The following PRH1 variants were observed in gnomAD, a reference collection of about 807,000 sequenced individuals.
PRH1 encodes proline rich protein HaeIII subfamily 1, also known as salivary acidic proline-rich phosphoprotein 1/2.
In PRH1, 7 loss-of-function variants were observed where a neutral mutation model predicts 7.9. The ratio of observed to expected loss-of-function variants is 0.89; its 90% confidence interval spans 0.50 to 1.67. The LOEUF (loss-of-function observed/expected upper bound fraction) is 1.67. Among genes scored for constraint, PRH1 ranks in the 40% most tolerant of loss-of-function variants. PRH1 has a pLI of 0.00. For missense variants in PRH1, 109 were observed against 223.6 expected (o/e 0.49, Z 3.27); for synonymous variants, 45 against 80.8 (o/e 0.56, Z 2.38).
intron 1 of PRH1, among the ~76,000 whole-genome samples, chr12:11,107,154 C>G (rs1019582239): frequency 5.9e-5 from 9 of 152,132 alleles, no homozygotes; most frequent in African/African-American, 2.2e-4. Context: ...GCATGCATCA[C>G]AACACCCAGC....
rs137971763 is a variant in PRH1, at chr12:10,882,272, C to A, written c.527G>T (p.Arg176Leu). 2 of 1,612,888 alleles carry A rather than the reference C, an allele frequency of 1.2e-6. No homozygotes were observed. Among genetic ancestry groups the A allele is most frequent in the Admixed American group, 1.7e-5 (1 of 59,896 alleles). ...CTGCCCCTGTGGAGGTCCTTGTGGG[C>A]GGCCCCCTTGGGGAGGTGGTCCCTG... is the stretch of plus-strand genomic sequence containing the variant. Reference protein sequence around the residue: ...KPQGPPPQGGRPQGPPQGQSP... With the variant: ...KPQGPPPQGGLPQGPPQGQSP... Residue 176 changes from arginine (R) to leucine (L), a missense_variant, in exon 3 of 4, where the codon CGC (arginine) becomes CTC (leucine). Arg to Leu is a moderately radical substitution (Grantham distance 102). This residue lies in a region of PRH1 where 45 missense variants were observed against 88.8 expected (regional missense o/e 0.51). Coordinates refer to ENST00000543626, the MANE Select transcript of PRH1 (RefSeq NM_001393989.1).
intron 1 of PRH1, among the ~76,000 whole-genome samples, chr12:11,150,208 T>G (rs1322372456): frequency 2.0e-5 from 3 of 151,144 alleles, no homozygotes; most frequent in African/African-American, 7.3e-5. Flanking sequence ...AGGAACACTT[T>G]TACACTGTTG....
At chr12:10,888,294 A>G (rs1949523284), upstream of PRH1, among the ~76,000 whole-genome samples, 2 of 152,182 alleles carry the variant, frequency 1.3e-5, no homozygotes, top group Admixed American at 1.3e-4. Context: ...ATGTAAGTTA[A>G]TATATTCACT....
chr12:11,133,686 G>A, intron 1 of PRH1: 2 of 1,614,206 alleles, frequency 1.2e-6, no homozygotes, highest in Non-Finnish European at 1.7e-6. Context: ...AGAGTGAGGG[G>A]TACAAAGTTT....
rs1210850085 is a variant in PRH1 at position 10,882,276 on chromosome 12, C to T, written c.523G>A (p.Gly175Ser). 3.1e-6 allele frequency: 5 copies of T among 1,612,870 alleles called. No individual in the cohort carries two copies. The highest frequency in any genetic ancestry group is 2.7e-5 in the African/African-American group (2 of 74,956). The change falls in exon 3 of 4, where the codon GGC (glycine) becomes AGC (serine). Residue 175 changes from glycine to serine, a missense_variant. Transcript: ENST00000543626. ...GKPQGPPPQG[G>S]RPQGPPQGQS... is the part of the protein sequence containing the mutation. ...CCCTGTGGAGGTCCTTGTGGGCGGC[C>T]CCCTTGGGGAGGTGGTCCCTGGGGC... is the stretch of plus-strand genomic sequence containing the variant.
chr12:10,991,719 A>G (rs1939946191), intron 1 of PRH1, among the ~76,000 whole-genome samples: 1 of 152,218 alleles, frequency 6.6e-6, no homozygotes, highest in South Asian at 2.1e-4. Context: ...AGATTGAAGA[A>G]TTTAGACCTT....
intron 1 of PRH1, among the ~76,000 whole-genome samples, chr12:11,032,110 T>G (rs2136104334): frequency 6.6e-6 from 1 of 152,342 alleles, no homozygotes; most frequent in South Asian, 2.1e-4. Flanking sequence ...GCTGGAATTA[T>G]TCACACTGAA....
chr12:11,068,734 T>C (rs1483233311), intron 1 of PRH1, among the ~76,000 whole-genome samples: 1 of 152,188 alleles, frequency 6.6e-6, no homozygotes, highest in East Asian at 1.9e-4. Context: ...TCTACTTAGA[T>C]CATTATTTCT....
At chr12:10,996,614 A>T (rs1591786704) in intron 1 of PRH1, 1 of 176,032 alleles carries the variant, frequency 5.7e-6, no homozygotes, top group Non-Finnish European at 1.2e-5. Context: ...AATATCATAT[A>T]AAAAAATGTG....
At chr12:11,134,622 C>T in intron 1 of PRH1, 1 of 201,238 alleles carries the variant, frequency 5.0e-6, no homozygotes, top group South Asian at 1.0e-4. Flanking sequence ...TGTGTAACCT[C>T]TCCATCATTT....
At position 10,985,592 on chromosome 12, in the gene PRH1, C is replaced by T. The variant is rs888284115; in HGVS notation, c.-125-11871G>A. Among the ~76,000 whole-genome samples the T allele has an allele frequency of 6.6e-5, 10 of 152,178 alleles. No homozygotes were observed. In the East Asian group the frequency reaches 1.5e-3, roughly 24 times the overall value. On this transcript the variant is annotated intron_variant, in intron 1 of 3. Transcript: ENST00000539853. ...TTAACAATTATAAGTAAAGATCACA[C>T]AGTTTTCAAGTGAAACATGATAATA...
chr12:11,060,332 T>G (rs1218979405), intron 1 of PRH1, among the ~76,000 whole-genome samples: 1 of 152,140 alleles, frequency 6.6e-6, no homozygotes, highest in East Asian at 1.9e-4. Flanking sequence ...TACAAAAATT[T>G]CATTGATTTA....
rs1243428047 is a variant in PRH1 at position 11,131,092 on chromosome 12, TG to T, written n.40-9913del. ...TGACCACCACCAAGGGACTGGATGA[TG>T]TAAGACAGAACAACAGAGATGGTAG... On this transcript the variant is annotated intron_variant and non_coding_transcript_variant, in intron 1 of 1. Transcript: ENST00000541175. Among the ~76,000 whole-genome samples the T allele has an allele frequency of 2.6e-5, 4 of 151,620 alleles. No homozygotes were observed. In the East Asian group the frequency reaches 5.8e-4, roughly 22 times the overall value.
At position 11,039,010 on chromosome 12, in the gene PRH1, A is replaced by G. The variant is rs532027908; in HGVS notation, c.-126+8010T>C. ...TTATGTCAAATGACTTTGAAAAAAT[A>G]TAATTAGTTAACAGCATACTGTAAG... On this transcript the variant is annotated intron_variant, in intron 1 of 3. Transcript: ENST00000539853. Among the ~76,000 whole-genome samples the G allele has an allele frequency of 1.1e-4, 16 of 152,360 alleles. No homozygotes were observed. The South Asian group carries it at 3.1e-3, about 30-fold the overall frequency.
chr12:11,157,911 A>G (rs1947302768), intron 1 of PRH1, among the ~76,000 whole-genome samples: 1 of 152,194 alleles, frequency 6.6e-6, no homozygotes. Context: ...AATTTCCTGA[A>G]TGGAAGAGTT....
At chr12:10,976,765 C>A (rs56400996) in intron 1 of PRH1, among the ~76,000 whole-genome samples, 2,990 of 152,042 alleles carry the variant, frequency 0.02, 71 homozygotes, top group African/African-American at 0.041. Context: ...ATGCAAACAA[C>A]CTTCACAAAC....
At chr12:10,883,605 G>A (rs1383367278) in intron 1 of PRH1, among the ~76,000 whole-genome samples, 4 of 152,148 alleles carry the variant, frequency 2.6e-5, no homozygotes, top group Non-Finnish European at 5.9e-5. Context: ...ATAGCCACTT[G>A]GATATAATCT....
Position 10,903,847 on chromosome 12 carries a change from C to T in PRH1, c.-58-19572G>A, listed in dbSNP as rs150762139. 4.7e-3 allele frequency among the ~76,000 whole-genome samples: 682 copies of T among 144,668 alleles called. 6 individuals carry two copies. Among genetic ancestry groups the T allele is most frequent in the African/African-American group, 0.017 (656 of 38,860 alleles). The allele number at this position is 144,668 out of a possible 152,430, so 94.9% of individuals were successfully genotyped here. A position where few individuals can be genotyped will look rare whatever the true frequency, so the allele number is the denominator to read the frequency against. Reference sequence around the variant, plus strand: ...TAAAGTTTCAGGATACAAATCAATTCACAAAAATCAGTAGCATTTCTATAC... The same window carrying T: ...TAAAGTTTCAGGATACAAATCAATTTACAAAAATCAGTAGCATTTCTATAC... On this transcript the variant is annotated intron_variant, in intron 2 of 3. Transcript: ENST00000539853.
chr12:10,955,574 C>T (rs1337766919), intron 2 of PRH1, among the ~76,000 whole-genome samples: 1 of 151,196 alleles, frequency 6.6e-6, no homozygotes, highest in Non-Finnish European at 1.5e-5. Context: ...AATAAATAAC[C>T]AAAATCAGAG....
Sources: allele counts gnomAD v4.1 joint callset (sites outside exome capture counted in the v4.1 genomes callset), GRCh38; gene constraint gnomAD v4.1.1; regional missense constraint gnomAD v4.1.1; transcripts MANE v1.5; gene names NCBI Gene and HGNC (gene_info 2026-07-23, HGNC 2026-07-21).